CR1: variants seen among roughly 807,000 people sequenced by gnomAD.
CR1 encodes complement C3b/C4b receptor 1 (Knops blood group), also known as complement receptor type 1.
In CR1, 116 loss-of-function variants were observed where a neutral mutation model predicts 187.3. The ratio of observed to expected loss-of-function variants is 0.62; its 90% CI spans 0.53 to 0.72. The LOEUF (loss-of-function observed/expected upper bound fraction) is 0.72. Ranked by LOEUF, CR1 falls within the 30% of genes least tolerant of loss-of-function variation. The pLI is 0.00. For missense variants in CR1, 1,731 were observed against 2,110.7 expected, an observed-to-expected ratio of 0.82 and a Z score of 3.52; for synonymous variants, 576 against 747.1, an observed-to-expected ratio of 0.77 and a Z score of 3.73.
intron 43 of CR1, among the ~76,000 whole-genome samples, chr1:207,620,949 C>T (rs760955839): frequency 6.6e-6 from 1 of 152,024 alleles, no homozygotes; most frequent in African/African-American, 2.4e-5. Context: ...TAAGAAGAGA[C>T]ATACAAATAA....
Position 207,640,854 on chromosome 1 carries a change from G to A in CR1, c.*1445G>A, listed in dbSNP as rs1438484218. ...TTTTGCCACATTTACTTTGACAGCA[G>A]TATAAGGAGTGAGATAGACATGAAC... On this transcript the variant is annotated 3_prime_UTR_variant, in exon 47 of 47. Transcript: ENST00000367049. 6.6e-6 allele frequency: 1 copy of A among 152,154 alleles called. No homozygotes were observed. Among genetic ancestry groups the A allele is most frequent in the Non-Finnish European group, 1.5e-5 (1 of 68,036 alleles). The allele number at this position is 152,154 out of a possible 1,614,324, so 9.4% of individuals were successfully genotyped here.
In CR1 at chr1:207,640,118, C is replaced by A. The variant is rs1317312928; in HGVS notation, c.*709C>A. 6.6e-6 allele frequency: 1 copy of A among 152,018 alleles called. No individual in the cohort carries two copies. Among genetic ancestry groups the A allele is most frequent in the South Asian group, 2.1e-4 (1 of 4,818 alleles). The allele number at this position is 152,018 out of a possible 1,614,324, so 9.4% of individuals were successfully genotyped here. ...GAGAAATATTTGGAAAATAAGATTTCGATATCTTCTTTTTTTTTGAGATGG... is the reference window on the plus strand; with the variant it reads ...GAGAAATATTTGGAAAATAAGATTTAGATATCTTCTTTTTTTTTGAGATGG... On this transcript the variant is annotated 3_prime_UTR_variant, in exon 47 of 47. Coordinates refer to ENST00000367049, the MANE Select transcript of CR1 (RefSeq NM_000651.6).
At chr1:207,580,483 T>G in intron 30 of CR1, 28 bp from the exon 31 acceptor site, 1 of 1,594,864 alleles carries the variant, frequency 6.3e-7, no homozygotes, top group Non-Finnish European at 8.5e-7. Context: ...ACTCCTATTT[T>G]TTCTTTTTTT....
chr1:207,573,895 G>C (rs1203017168), intron 27 of CR1, among the ~76,000 whole-genome samples: 1 of 152,180 alleles, frequency 6.6e-6, no homozygotes, highest in Non-Finnish European at 1.5e-5. Context: ...ACACTGAGAG[G>C]CTGAGGCAAG....
At chr1:207,504,261 C>A (rs1474164067) in intron 1 of CR1, among the ~76,000 whole-genome samples, 1 of 152,048 alleles carries the variant, frequency 6.6e-6, no homozygotes, top group African/African-American at 2.4e-5. Flanking sequence ...GGGAGTAAAT[C>A]TCCCATGTTA....
intron 46 of CR1, among the ~76,000 whole-genome samples, chr1:207,632,583 C>T (rs974529149): frequency 6.6e-6 from 1 of 152,088 alleles, no homozygotes; most frequent in African/African-American, 2.4e-5. Flanking sequence ...GTCAGGAGAT[C>T]GAGGCCATTC....
At chr1:207,617,608 TATATAGAGAGAGAGAGAGAGAG>T (rs1178978389) in intron 41 of CR1, among the ~76,000 whole-genome samples, 231 of 12,190 alleles carry the variant, frequency 0.019, 1 homozygote, top group South Asian at 0.028. Flanking sequence ...TATATATATA[TATATAGAGAGAGAGAGAGAGAG>T]AGAGAGAGAG....
chr1:207,602,718 G>A (rs1462335941), intron 35 of CR1, among the ~76,000 whole-genome samples: 1 of 152,084 alleles, frequency 6.6e-6, no homozygotes, highest in Admixed American at 6.6e-5. Flanking sequence ...GAGAGAGAGA[G>A]AAGGCAAATT....
chr1:207,567,937 A>G lies in CR1; in HGVS notation c.4066A>G (p.Arg1356Gly). 1 of 1,610,498 alleles carries G rather than the reference A, an allele frequency of 6.2e-7. No individual in the cohort carries two copies. Among genetic ancestry groups the G allele is most frequent in the Non-Finnish European group, 8.5e-7 (1 of 1,179,604 alleles). The stretch of plus-strand genomic sequence containing the variant: ...TTACACATGCGACCCCCACCCAGAC[A>G]GAGGGACGAGCTTCGACCTCATTGG... The part of the protein sequence containing the change: ...VNYTCDPHPD[R>G]GTSFDLIGES... Residue 1356 changes from arginine (R) to glycine (G), a missense_variant, in exon 25 of 47, where the codon AGA becomes GGA. This residue lies in a region of CR1 where 1,312 missense variants were observed against 1,379.6 expected (regional missense o/e 0.95). Transcript: ENST00000367049.
chr1:207,596,121 G>A (rs1027582387), intron 35 of CR1, among the ~76,000 whole-genome samples: 23 of 150,016 alleles, frequency 1.5e-4, no homozygotes, highest in Admixed American at 5.3e-4. Context: ...TCAGAAGGGC[G>A]AAACCACTTG....
Position 207,609,549 on chromosome 1 carries a change from AC to A in CR1, c.6158del (p.Pro2053GlnfsTer24). ...CAGAAGTTGAAAATGCAATTAGAGT[AC>A]CAGGAAACAGGAGTTTCTTTACCCT... ...APEVENAIRV[P>X]GNRSFFTLTE... is the part of the protein sequence containing the mutation. On this transcript the variant is annotated frameshift_variant, in exon 37 of 47. Transcript: ENST00000367049. LOFTEE classifies it high-confidence loss of function. 6.2e-7 allele frequency: 1 copy of A among 1,613,928 alleles called. No individual in the cohort carries two copies. Among genetic ancestry groups the A allele is most frequent in the South Asian group, 1.1e-5 (1 of 91,052 alleles).
chr1:207,576,637 G>C (rs1421941168), intron 28 of CR1, among the ~76,000 whole-genome samples: 1 of 152,068 alleles, frequency 6.6e-6, no homozygotes, highest in Non-Finnish European at 1.5e-5. Flanking sequence ...GTACAACATG[G>C]TGAAATCATG....
intron 46 of CR1, among the ~76,000 whole-genome samples, chr1:207,637,523 TC>T (rs1662853820): frequency 1.3e-5 from 2 of 152,362 alleles, no homozygotes; most frequent in East Asian, 3.9e-4. Flanking sequence ...CTGAGTGACA[TC>T]CCGCTTACCA....
chr1:207,496,998 T>C (rs1411247005), intron 1 of CR1, among the ~76,000 whole-genome samples: 2 of 152,176 alleles, frequency 1.3e-5, no homozygotes, highest in African/African-American at 4.8e-5. Flanking sequence ...GTCCTAGGGA[T>C]GCAGGTGTTA....
Position 207,523,908 on chromosome 1 carries a change from T to G in CR1, c.785T>G (p.Val262Gly). 3 of 1,610,424 alleles carry G rather than the reference T, an allele frequency of 1.9e-6. No homozygotes were observed. Among genetic ancestry groups the G allele is most frequent in the Non-Finnish European group, 2.5e-6 (3 of 1,178,706 alleles). The change falls in exon 5 of 47, where the codon GTG becomes GGG. Residue 262 changes from valine to glycine, a missense_variant. This residue lies in a region of CR1 where 131 missense variants were observed against 196.8 expected (regional missense o/e 0.67). Coordinates refer to ENST00000367049, the MANE Select transcript of CR1 (RefSeq NM_000651.6). ...AGCTTATTTTCCTTAAATGAAGTTGTGGAGTTTAGGTGTCAGCCTGGCTTT... is the reference window on the plus strand; with the variant it reads ...AGCTTATTTTCCTTAAATGAAGTTGGGGAGTTTAGGTGTCAGCCTGGCTTT... ...NRSLFSLNEV[V>G]EFRCQPGFVM...
intron 1 of CR1, among the ~76,000 whole-genome samples, chr1:207,499,435 T>C (rs1317250408): frequency 6.6e-6 from 1 of 152,196 alleles, no homozygotes; most frequent in African/African-American, 2.4e-5. Context: ...CTTTCTGATA[T>C]CAGAAAAGGT....
At chr1:207,602,006 C>T (rs1473450804) in intron 35 of CR1, among the ~76,000 whole-genome samples, 1 of 152,030 alleles carries the variant, frequency 6.6e-6, no homozygotes, top group Non-Finnish European at 1.5e-5. Context: ...CATTGCAGTG[C>T]TTTTTGTGGT....
chr1:207,609,732 A>G (rs575942820), intron 37 of CR1, 44 bp downstream of exon 37: 1 of 1,500,168 alleles, frequency 6.7e-7, no homozygotes, highest in African/African-American at 1.4e-5. Context: ...GAGGGTACGT[A>G]TAGATGATAG....
At chr1:207,631,768 C>G (rs1403088496) in intron 46 of CR1, among the ~76,000 whole-genome samples, 1 of 152,152 alleles carries the variant, frequency 6.6e-6, no homozygotes, top group Non-Finnish European at 1.5e-5. Context: ...AATGTCCTAC[C>G]CATAGGTGTT....
Sources: gnomAD v4.1 joint callset for allele counts (sites outside exome capture counted in the v4.1 genomes callset) on GRCh38, gnomAD v4.1.1 for gene constraint, gnomAD v4.1.1 regional missense constraint, MANE v1.5 for transcripts, NCBI Gene and HGNC (gene_info 2026-07-23, HGNC 2026-07-21) for gene names.